Variants in ASB2 observed in about 807,000 individuals in gnomAD.
ASB2 encodes ankyrin repeat and SOCS box protein 2.
A neutral mutation model predicts 62.4 loss-of-function variants in ASB2; 58 were observed. That is an observed-to-expected ratio of 0.93 (90% CI 0.75 to 1.16). ASB2 has a LOEUF of 1.16. Among genes scored for constraint, ASB2 ranks in the 50% most tolerant of loss-of-function variants. The pLI is 0.00. For missense variants in ASB2, 928 were observed against 887.9 expected (o/e 1.05, Z -0.57); for synonymous variants, 386 against 385.3 (o/e 1.00, Z -0.02).
chr14:93,941,288 C>A, intron 7 of ASB2: 2 of 251,428 alleles, frequency 8.0e-6, no homozygotes, highest in Non-Finnish European at 1.6e-5. Context: ...GACCTCACAG[C>A]CTCCTGTGGG....
intron 9 of ASB2, 53 bp downstream of exon 9, chr14:93,937,645 T>A: frequency 6.4e-7 from 1 of 1,573,996 alleles, no homozygotes; most frequent in South Asian, 1.1e-5. Context: ...GGCCTGGGAC[T>A]CTGAGTCAGG....
In ASB2 at chr14:93,947,496, C is replaced by G; in HGVS notation, c.905G>C (p.Ser302Thr). ...KYGADINTQA[S>T]DNASALYEAC... ...CTCGTAGAGGGCAGACGCGTTGTCG[C>G]TGGCCTGCGTGTTGATGTCAGCACC... The change falls in exon 7 of 10, where the codon AGC becomes ACC. Residue 302 changes from serine (S) to threonine (T), a missense_variant. Ser to Thr is a moderately conservative substitution (Grantham distance 58, BLOSUM62 1). Transcript: ENST00000555019. 6.2e-7 allele frequency: 1 copy of G among 1,614,136 alleles called. No homozygotes were observed. Among genetic ancestry groups the G allele is most frequent in the African/African-American group, 1.3e-5 (1 of 75,068 alleles).
intron 1 of ASB2, among the ~76,000 whole-genome samples, chr14:93,971,166 G>T (rs147593194): frequency 6.6e-6 from 1 of 152,298 alleles, no homozygotes; most frequent in Non-Finnish European, 1.5e-5. Context: ...CCCAGCCTTC[G>T]CGTGACAGCT....
intron 5 of ASB2, 91 bp downstream of exon 5, chr14:93,953,261 G>A (rs1231142821): frequency 1.7e-6 from 2 of 1,167,082 alleles, no homozygotes; most frequent in Non-Finnish European, 2.4e-6. Flanking sequence ...CACGTTGGGG[G>A]TTATGCACTT....
rs1197329517 is a variant in ASB2 at position 93,951,122 on chromosome 14, C to A, written c.757G>T (p.Val253Phe). The change falls in exon 6 of 10, where the codon GTC (valine) becomes TTC (phenylalanine). Residue 253 changes from valine to phenylalanine, a missense_variant. Transcript: ENST00000555019. ...HESVSRNDLE[V>F]MQILVSGGAK... ...CCTCCGCTCACCAGGATCTGCATGACCTCCAGGTCATTGCGAGACACAGAC... is the reference window on the plus strand; with the variant it reads ...CCTCCGCTCACCAGGATCTGCATGAACTCCAGGTCATTGCGAGACACAGAC... The A allele has an allele frequency of 1.2e-6, 2 of 1,614,222 alleles. No homozygotes were observed. Among genetic ancestry groups the A allele is most frequent in the East Asian group, 4.5e-5 (2 of 44,890 alleles).
intron 1 of ASB2, among the ~76,000 whole-genome samples, chr14:93,969,187 A>G (rs1410685041): frequency 1.3e-5 from 2 of 152,192 alleles, no homozygotes; most frequent in Non-Finnish European, 2.9e-5. Context: ...TGTGCAATGC[A>G]CGGGCCGCTT....
At chr14:93,955,499 C>T in intron 3 of ASB2, 1 of 194,060 alleles carries the variant, frequency 5.2e-6, no homozygotes, top group African/African-American at 2.3e-5. Context: ...ACAGCCAGAG[C>T]AGCCCCTGTC....
At position 93,939,425 on chromosome 14, in the gene ASB2, C is replaced by A; in HGVS notation, c.1300G>T (p.Gly434Cys). Reference protein sequence around the residue: ...VYATELLLQHGADPNRDVISP... With the variant: ...VYATELLLQHCADPNRDVISP... ...ATGACGTCGCGGTTGGGGTCGGCGC[C>A]GTGTTGCAGCAGCAGCTCGGTGGCG... The change falls in exon 8 of 10, where the codon GGC (glycine) becomes TGC (cysteine). Residue 434 changes from glycine to cysteine, a missense_variant. By Grantham distance (159) the Gly-to-Cys change is radical. Transcript: ENST00000555019. The A allele has an allele frequency of 6.2e-7, 1 of 1,612,814 alleles. No individual in the cohort carries two copies. Among genetic ancestry groups the A allele is most frequent in the Non-Finnish European group, 8.5e-7 (1 of 1,179,834 alleles).
intron 9 of ASB2, among the ~76,000 whole-genome samples, chr14:93,936,200 ATGT>A (rs958087227): frequency 6.6e-6 from 1 of 152,252 alleles, no homozygotes; most frequent in Non-Finnish European, 1.5e-5. Flanking sequence ...AAGGATGTCA[ATGT>A]TGTAGCATTA....
chr14:93,965,014 C>T (rs1165953875), intron 1 of ASB2, among the ~76,000 whole-genome samples: 1 of 152,176 alleles, frequency 6.6e-6, no homozygotes. Flanking sequence ...CTCAGCACTA[C>T]TCATCATTCA....
chr14:93,963,305 G>T (rs567475526), intron 2 of ASB2, among the ~76,000 whole-genome samples: 7 of 151,652 alleles, frequency 4.6e-5, no homozygotes, highest in African/African-American at 1.7e-4. Flanking sequence ...TGAGATTTGT[G>T]GCCTATGCCT....
rs1888188852 is a variant in ASB2, at chr14:93,934,193, T to C, written c.*463A>G. Reference sequence around the variant, plus strand: ...ACATGTGTAACATTTATTATATTAATACTTAACAAAGCCCTCCAAGACCCA... The same window carrying C: ...ACATGTGTAACATTTATTATATTAACACTTAACAAAGCCCTCCAAGACCCA... On this transcript the variant is annotated 3_prime_UTR_variant, in exon 10 of 10. Coordinates refer to ENST00000555019, the MANE Select transcript of ASB2 (RefSeq NM_001202429.2). 1 of 455,864 alleles carries C rather than the reference T, an allele frequency of 2.2e-6. No individual in the cohort carries two copies. The highest frequency in any genetic ancestry group is 1.6e-5 in the South Asian group (1 of 64,492). The allele number at this position is 455,864 out of a possible 1,614,324, so 28.2% of individuals were successfully genotyped here.
At chr14:93,957,243 G>A in intron 2 of ASB2, 1 of 1,206,154 alleles carries the variant, frequency 8.3e-7, no homozygotes, top group Non-Finnish European at 1.0e-6. Flanking sequence ...AGGATGAAAG[G>A]GGCTCAGGCT....
chr14:93,939,798 C>G, intron 7 of ASB2, 126 bp from the exon 8 acceptor site: 2 of 721,042 alleles, frequency 2.8e-6, no homozygotes, highest in Admixed American at 4.3e-5. Flanking sequence ...GGCTGCGACG[C>G]GGATCCCACC....
In ASB2 at chr14:93,964,359, G is replaced by T. The variant is rs1312754902; in HGVS notation, c.181C>A (p.Pro61Thr). ...CTGGTCCATGGGTAGAAATGGGCAGGTTGGCGGTTGGTACATGCAGACGCG... is the reference window on the plus strand; with the variant it reads ...CTGGTCCATGGGTAGAAATGGGCAGTTTGGCGGTTGGTACATGCAGACGCG... ...ATASACTNRQPAHFYPWTRST... is the reference protein window; with the variant it reads ...ATASACTNRQTAHFYPWTRST... The change falls in exon 2 of 10, where the codon CCT becomes ACT. Residue 61 changes from proline (P) to threonine (T), a missense_variant. By Grantham distance (38) the Pro-to-Thr change is conservative. Coordinates refer to ENST00000555019, the MANE Select transcript of ASB2 (RefSeq NM_001202429.2). The T allele has an allele frequency of 6.5e-7, 1 of 1,536,058 alleles. No homozygotes were observed. Among genetic ancestry groups the T allele is most frequent in the Non-Finnish European group, 8.7e-7 (1 of 1,146,922 alleles).
At chr14:93,949,183 A>G (rs1377854801) in intron 6 of ASB2, among the ~76,000 whole-genome samples, 3 of 152,208 alleles carry the variant, frequency 2.0e-5, no homozygotes, top group Non-Finnish European at 4.4e-5. Flanking sequence ...GGCTAAAATC[A>G]AAAGCATCTG....
chr14:93,949,331 G>A (rs1888861540), intron 6 of ASB2, among the ~76,000 whole-genome samples: 1 of 152,252 alleles, frequency 6.6e-6, no homozygotes, highest in Admixed American at 6.5e-5. Context: ...ATCAGCTGAG[G>A]CATCTGTTTC....
intron 8 of ASB2, among the ~76,000 whole-genome samples, chr14:93,938,625 C>A (rs1342863557): frequency 1.3e-5 from 2 of 152,184 alleles, no homozygotes; most frequent in Non-Finnish European, 2.9e-5. Context: ...CTACACCAGC[C>A]TGCTCTTGAC....
At chr14:93,969,487 T>A (rs1161962338) in intron 1 of ASB2, among the ~76,000 whole-genome samples, 1 of 152,182 alleles carries the variant, frequency 6.6e-6, no homozygotes, top group Non-Finnish European at 1.5e-5. Flanking sequence ...GCCTTGCCCC[T>A]CTTTGGACCT....
Sources: allele counts gnomAD v4.1 joint callset (sites outside exome capture counted in the v4.1 genomes callset), GRCh38; gene constraint gnomAD v4.1.1; transcripts MANE v1.5; gene names NCBI Gene and HGNC (gene_info 2026-07-23, HGNC 2026-07-21).